ARHGAP20: variants seen among roughly 807,000 people sequenced by gnomAD.
ARHGAP20 encodes the protein Rho GTPase activating protein 20.
ARHGAP20 carries 34 observed loss-of-function variants against 73.7 expected under a neutral mutation model. The observed-to-expected ratio is 0.46, with a 90% CI of 0.35 to 0.61. ARHGAP20 has a LOEUF of 0.61. Ranked by LOEUF, ARHGAP20 falls within the 20% of genes least tolerant of loss-of-function variation. ARHGAP20 has a pLI of 0.00. For missense variants in ARHGAP20, 1,314 were observed against 1,420.9 expected, an observed-to-expected ratio of 0.92 and a Z score of 1.21; for synonymous variants, 523 against 518.2, an observed-to-expected ratio of 1.01 and a Z score of -0.13.
chr11:110,643,820 C>T (rs1176560028), intron 2 of ARHGAP20, among the ~76,000 whole-genome samples: 3 of 151,964 alleles, frequency 2.0e-5, no homozygotes, highest in South Asian at 2.1e-4. Flanking sequence ...TAGTTTTGTG[C>T]CTCAATGATC....
intron 2 of ARHGAP20, among the ~76,000 whole-genome samples, chr11:110,668,636 A>G (rs1428945763): frequency 6.6e-6 from 1 of 152,100 alleles, no homozygotes; most frequent in Non-Finnish European, 1.5e-5. Flanking sequence ...GCAACAGACC[A>G]AGACCCTGTC....
rs1475739618 is a variant in ARHGAP20 at position 110,580,615 on chromosome 11, A to C, written c.2331T>G (p.Thr777=). The C allele has an allele frequency of 1.2e-6, 2 of 1,614,074 alleles. No individual in the cohort carries two copies. Among genetic ancestry groups the C allele is most frequent in the East Asian group, 2.2e-5 (1 of 44,900 alleles). Residue 777 remains threonine, a synonymous_variant, in exon 15 of 15, where the codon ACT becomes ACG. Coordinates refer to ENST00000683387, the MANE Select transcript of ARHGAP20 (RefSeq NM_001384657.1). ...VSKKNATTQN[T]KKKSLSGSEG... The stretch of plus-strand genomic sequence containing the variant: ...CACTACCAGACAAGCTTTTCTTCTT[A>C]GTGTTTTGAGTAGTGGCATTTTTCT...
chr11:110,677,133 T>A (rs2135083469), intron 2 of ARHGAP20, among the ~76,000 whole-genome samples: 1 of 152,342 alleles, frequency 6.6e-6, no homozygotes, highest in Admixed American at 6.5e-5. Context: ...CTTTGGGGCC[T>A]TACAAACTTC....
In ARHGAP20 at chr11:110,577,925, A is replaced by G. The variant is rs538515274; in HGVS notation, c.*1445T>C. 1.0e-6 allele frequency: 1 copy of G among 985,716 alleles called. No homozygotes were observed. The highest frequency in any genetic ancestry group is 1.7e-5 in the African/African-American group (1 of 57,360). The allele number at this position is 985,716 out of a possible 1,614,324, so 61.1% of individuals were successfully genotyped here. A position where few individuals can be genotyped will look rare whatever the true frequency, so the allele number is the denominator to read the frequency against. ...ACCATTTTCTGGTGATTAATAAGAC[A>G]AATAATTTGGAATAAGCTAGCTTGT... On this transcript the variant is annotated 3_prime_UTR_variant, in exon 15 of 15. Coordinates refer to ENST00000683387, the MANE Select transcript of ARHGAP20 (RefSeq NM_001384657.1).
At chr11:110,691,163 G>C in intron 1 of ARHGAP20, 1 of 484,140 alleles carries the variant, frequency 2.1e-6, no homozygotes. Flanking sequence ...TTTTAAAACT[G>C]TAACTTCAAA....
intron 9 of ARHGAP20, among the ~76,000 whole-genome samples, chr11:110,594,361 T>C (rs1467224890): frequency 6.6e-6 from 1 of 152,142 alleles, no homozygotes; most frequent in Non-Finnish European, 1.5e-5. Flanking sequence ...TCCTCAACCT[T>C]AAAATGTAAA....
At chr11:110,647,513 CAAGAG>C (rs779814447) in intron 2 of ARHGAP20, among the ~76,000 whole-genome samples, 3 of 151,958 alleles carry the variant, frequency 2.0e-5, no homozygotes, top group Non-Finnish European at 4.4e-5. Context: ...CTCCAGTGAC[CAAGAG>C]AAGAACAATT....
rs1466957166 is a variant in ARHGAP20 at position 110,578,955 on chromosome 11, C to T, written c.*415G>A. Reference sequence around the variant, plus strand: ...TCTTGCCTACTTATTAAAAACATTCCATGGAATGTAGATGGTTTCTCTGTA... The same window carrying T: ...TCTTGCCTACTTATTAAAAACATTCTATGGAATGTAGATGGTTTCTCTGTA... On this transcript the variant is annotated 3_prime_UTR_variant, in exon 15 of 15. Coordinates refer to ENST00000683387, the MANE Select transcript of ARHGAP20 (RefSeq NM_001384657.1). 1.7e-5 allele frequency: 17 copies of T among 987,264 alleles called. No homozygotes were observed. Among genetic ancestry groups the T allele is most frequent in the East Asian group, 1.1e-4 (1 of 8,858 alleles). 61.2% of individuals were successfully genotyped at this position (987,264 alleles called of 1,614,324 possible). A position where few individuals can be genotyped will look rare whatever the true frequency, so the allele number is the denominator to read the frequency against.
chr11:110,685,014 T>C (rs1182062791), intron 2 of ARHGAP20, among the ~76,000 whole-genome samples: 1 of 152,108 alleles, frequency 6.6e-6, no homozygotes, highest in Non-Finnish European at 1.5e-5. Context: ...CCTAGCACCA[T>C]GCAATGTAAC....
intron 1 of ARHGAP20, among the ~76,000 whole-genome samples, chr11:110,693,966 A>G (rs192159107): frequency 7.2e-5 from 11 of 152,040 alleles, no homozygotes; most frequent in African/African-American, 2.6e-4. Flanking sequence ...GACTTCATAA[A>G]TAGTGGATAC....
chr11:110,686,413 A>AATAC (rs1950132818), intron 2 of ARHGAP20, among the ~76,000 whole-genome samples: 1 of 152,120 alleles, frequency 6.6e-6, no homozygotes, highest in Admixed American at 6.5e-5. Context: ...TTTAAAAGGA[A>AATAC]ATACAAATGA....
At chr11:110,588,842 C>T (rs972157281) in intron 11 of ARHGAP20, among the ~76,000 whole-genome samples, 2 of 151,994 alleles carry the variant, frequency 1.3e-5, no homozygotes, top group Admixed American at 6.6e-5. Flanking sequence ...GAGGCCGAGG[C>T]GGGCGGATCA....
chr11:110,616,690 T>C (rs1490412480), intron 4 of ARHGAP20, among the ~76,000 whole-genome samples: 1 of 151,376 alleles, frequency 6.6e-6, no homozygotes. Flanking sequence ...TTTTTTCTTT[T>C]TTTTTTTTTT....
intron 9 of ARHGAP20, among the ~76,000 whole-genome samples, chr11:110,605,272 A>G (rs1172924433): frequency 6.6e-6 from 1 of 152,212 alleles, no homozygotes; most frequent in Non-Finnish European, 1.5e-5. Context: ...GATGAAAAAT[A>G]GAATGAACAA....
intron 2 of ARHGAP20, among the ~76,000 whole-genome samples, chr11:110,640,109 C>T (rs957885307): frequency 3.9e-5 from 6 of 151,936 alleles, no homozygotes; most frequent in Non-Finnish European, 5.9e-5. Flanking sequence ...CACATAAAGT[C>T]ATTTCTTATG....
rs375069349 is a variant in ARHGAP20, at chr11:110,689,029, C to T, written c.188+1518G>A. Among the ~76,000 whole-genome samples, 126 of 145,828 alleles carry T rather than the reference C, an allele frequency of 8.6e-4. 1 individual carries two copies. Among genetic ancestry groups the T allele is most frequent in the Non-Finnish European group, 1.4e-3 (95 of 67,184 alleles). ...TTTTTTTTTTTTGGAGATGGAGTCT[C>T]GCTCTGTGGCCCAGGCTGGAGTGCA... On this transcript the variant is annotated intron_variant, in intron 2 of 14. Coordinates refer to ENST00000683387, the MANE Select transcript of ARHGAP20 (RefSeq NM_001384657.1).
chr11:110,599,068 G>A (rs1277960911), intron 9 of ARHGAP20, among the ~76,000 whole-genome samples: 1 of 152,198 alleles, frequency 6.6e-6, no homozygotes, highest in Non-Finnish European at 1.5e-5. Context: ...TGCCCTCCCA[G>A]GTGTAGCTCC....
intron 4 of ARHGAP20, 24 bp from the exon 5 acceptor site, chr11:110,615,618 G>C (rs770519666): frequency 6.2e-7 from 1 of 1,606,152 alleles, no homozygotes; most frequent in South Asian, 1.1e-5. Flanking sequence ...AAATGGGAGA[G>C]AAAAATTAAA....
chr11:110,590,946 C>A, intron 10 of ARHGAP20, 137 bp from the exon 11 acceptor site: 2 of 905,744 alleles, frequency 2.2e-6, no homozygotes, highest in Middle Eastern at 2.3e-4. Context: ...AATAAATGGC[C>A]GGAAAAATTA....
Sources: gnomAD v4.1 joint callset for allele counts (sites outside exome capture counted in the v4.1 genomes callset) on GRCh38, gnomAD v4.1.1 for gene constraint, MANE v1.5 for transcripts, NCBI Gene and HGNC (gene_info 2026-07-23, HGNC 2026-07-21) for gene names.